TECTA: variants seen among roughly 807,000 people sequenced by gnomAD.
The protein encoded by TECTA is tectorin alpha.
TECTA carries 128 observed loss-of-function variants against 216.8 expected under a neutral mutation model. That is an observed-to-expected ratio of 0.59 (90% CI 0.51 to 0.68). The LOEUF (loss-of-function observed/expected upper bound fraction) is 0.68, where lower values mean the gene tolerates loss of function less well. Among genes scored for constraint, TECTA ranks in the 30% least tolerant of loss-of-function variants. The probability of loss-of-function intolerance (pLI) is 0.00; values close to 1 mark genes in which losing one functional copy is unlikely to be tolerated. For missense variants in TECTA, 2,551 were observed against 2,786.2 expected (o/e 0.92, Z 1.90); for synonymous variants, 1,089 against 1,117.1 (o/e 0.97, Z 0.50).
chr11:121,125,331 C>T lies in TECTA; in HGVS notation c.1233C>T (p.Val411=), dbSNP rs1946597375. The change falls in exon 8 of 24, where the codon GTC becomes GTT. Residue 411 remains valine, a synonymous_variant. Coordinates refer to ENST00000392793, the MANE Select transcript of TECTA (RefSeq NM_005422.4). The part of the protein sequence containing the change: ...KVNDLVTSLP[V]TLDLGTVKIY... ...ATGACCTAGTGACTTCTTTGCCTGTCACCTTAGACTTGGGGACAGTGAAAA... is the reference window on the plus strand; with the variant it reads ...ATGACCTAGTGACTTCTTTGCCTGTTACCTTAGACTTGGGGACAGTGAAAA... 1 of 1,613,844 alleles carries T rather than the reference C, an allele frequency of 6.2e-7. No homozygotes were observed. Among genetic ancestry groups the T allele is most frequent in the African/African-American group, 1.3e-5 (1 of 74,944 alleles).
chr11:121,152,308 T>C (rs943286393), intron 12 of TECTA, among the ~76,000 whole-genome samples: 1 of 152,254 alleles, frequency 6.6e-6, no homozygotes, highest in Non-Finnish European at 1.5e-5. Context: ...ATCATGGGGC[T>C]GAGGCATCTA....
At chr11:121,178,424 T>C (rs1302804914) in intron 20 of TECTA, among the ~76,000 whole-genome samples, 2 of 152,162 alleles carry the variant, frequency 1.3e-5, no homozygotes, top group Admixed American at 6.5e-5. Flanking sequence ...TGCTTGATCA[T>C]GGCGTATTAT....
At chr11:121,152,751 G>T in intron 12 of TECTA, 130 bp from the exon 13 acceptor site, 1 of 908,852 alleles carries the variant, frequency 1.1e-6, no homozygotes, top group Non-Finnish European at 1.6e-6. Flanking sequence ...ATGAAGAAAG[G>T]CGGCAGACCT....
In TECTA at chr11:121,168,195, T is replaced by C. The variant is rs757723080; in HGVS notation, c.5728T>C (p.Ser1910Pro). The C allele has an allele frequency of 6.2e-7, 1 of 1,614,246 alleles. No individual in the cohort carries two copies. The highest frequency in any genetic ancestry group is 1.1e-5 in the South Asian group (1 of 91,086). Reference sequence around the variant, plus strand: ...GCTGGATATCAAGATCTCCTTGGATTCTGTTGTGAAGCCTATGCTAAGGTA... The same window carrying C: ...GCTGGATATCAAGATCTCCTTGGATCCTGTTGTGAAGCCTATGCTAAGGTA... Reference protein sequence around the residue: ...YELDIKISLDSVVKPMLSVIN... With the variant: ...YELDIKISLDPVVKPMLSVIN... Residue 1910 changes from serine (S) to proline (P), a missense_variant, in exon 19 of 24, where the codon TCT becomes CCT. Around this residue, in one of 3 missense-constraint regions of TECTA, gnomAD observed 2,375 missense variants for 2,563.9 expected, o/e 0.93. Coordinates refer to ENST00000392793, the MANE Select transcript of TECTA (RefSeq NM_005422.4).
Position 121,189,749 on chromosome 11 carries a change from A to G in TECTA, c.6251-15A>G. The G allele has an allele frequency of 6.2e-7, 1 of 1,611,202 alleles. No homozygotes were observed. The highest frequency in any genetic ancestry group is 8.5e-7 in the Non-Finnish European group (1 of 1,177,704). ...GAACTGTCTGTAGTTAATCTTCCTA[A>G]CTGCTCTTTTGTAGGGCTGGACTGG... On this transcript the variant is annotated splice_polypyrimidine_tract_variant and intron_variant, in intron 22 of 23. Coordinates refer to ENST00000392793, the MANE Select transcript of TECTA (RefSeq NM_005422.4).
rs1176214445 is a variant in TECTA at position 121,118,365 on chromosome 11, C to T, written c.850C>T (p.Arg284Cys). ...TGACTTGAACTGCACCGTCAAGTGC[C>T]GCTGTCTGGATTTCAACAATGAGAT... Reference protein sequence around the residue: ...WDDLNCTVKCRCLDFNNEIYC... With the variant: ...WDDLNCTVKCCCLDFNNEIYC... The change falls in exon 7 of 24, where the codon CGC becomes TGC. Residue 284 changes from arginine (R) to cysteine (C), a missense_variant. Arg to Cys is a radical substitution (Grantham distance 180). Coordinates refer to ENST00000392793, the MANE Select transcript of TECTA (RefSeq NM_005422.4). 6.2e-6 allele frequency: 10 copies of T among 1,614,110 alleles called. No individual in the cohort carries two copies. Among genetic ancestry groups the T allele is most frequent in the Middle Eastern group, 1.7e-4 (1 of 6,060 alleles).
At chr11:121,157,057 T>C (rs760930736) in intron 13 of TECTA, among the ~76,000 whole-genome samples, 1 of 152,126 alleles carries the variant, frequency 6.6e-6, no homozygotes, top group Non-Finnish European at 1.5e-5. Context: ...AAATGTGAAA[T>C]GGTTAATCAG....
At chr11:121,176,821 A>G (rs1947172306) in intron 20 of TECTA, among the ~76,000 whole-genome samples, 1 of 152,046 alleles carries the variant, frequency 6.6e-6, no homozygotes, top group African/African-American at 2.4e-5. Flanking sequence ...CCAATCAGAC[A>G]TAGATTTGGT....
chr11:121,110,624 AAC>A (rs1459451071), intron 4 of TECTA: 2 of 152,208 alleles, frequency 1.3e-5, no homozygotes, highest in South Asian at 2.1e-4. Context: ...ATAGATCGCT[AAC>A]GACTCCTCGG....
Position 121,162,113 on chromosome 11 carries a change from A to G in TECTA, c.5015A>G (p.Gln1672Arg). The stretch of plus-strand genomic sequence containing the variant: ...AGCTGCAACGAGCTGCAGTTCTCAC[A>G]GTATGCAGCCATGTGTGACAATGTG... ...APSCNELQFS[Q>R]YAAMCDNVHI... is the part of the protein sequence containing the mutation. The change falls in exon 16 of 24, where the codon CAG becomes CGG. Residue 1672 changes from glutamine to arginine, a missense_variant. By Grantham distance (43) the Gln-to-Arg change is conservative. Coordinates refer to ENST00000392793, the MANE Select transcript of TECTA (RefSeq NM_005422.4). The G allele has an allele frequency of 6.2e-7, 1 of 1,614,206 alleles. No homozygotes were observed.
intron 13 of TECTA, among the ~76,000 whole-genome samples, chr11:121,156,439 G>T (rs902292506): frequency 6.6e-6 from 1 of 152,092 alleles, no homozygotes; most frequent in Admixed American, 6.5e-5. Context: ...TGCCTCCCAG[G>T]TTCAAACGAT....
Position 121,153,095 on chromosome 11 carries a change from C to A in TECTA, c.4305+15C>A. The A allele has an allele frequency of 1.9e-6, 3 of 1,608,752 alleles. No individual in the cohort carries two copies. Among genetic ancestry groups the A allele is most frequent in the Non-Finnish European group, 2.5e-6 (3 of 1,177,856 alleles). On this transcript the variant is annotated intron_variant, in intron 13 of 23. Coordinates refer to ENST00000392793, the MANE Select transcript of TECTA (RefSeq NM_005422.4). ...AATATTACGAGGTATGGGAGGCCAG[C>A]CCGGCCTTTTCCTCCTTGCCAATGA...
chr11:121,190,384 C>G (rs1478625733), intron 23 of TECTA, among the ~76,000 whole-genome samples: 3 of 152,204 alleles, frequency 2.0e-5, no homozygotes, highest in Admixed American at 1.3e-4. Flanking sequence ...CCTGCCTCAA[C>G]CACCGGAGTA....
intron 6 of TECTA, among the ~76,000 whole-genome samples, chr11:121,115,644 T>G (rs1454151580): frequency 1.3e-5 from 2 of 152,130 alleles, no homozygotes; most frequent in Non-Finnish European, 2.9e-5. Context: ...CAATTTGTTG[T>G]TGTTGTTGTT....
intron 16 of TECTA, among the ~76,000 whole-genome samples, chr11:121,164,767 C>T (rs1474723152): frequency 6.6e-6 from 1 of 152,090 alleles, no homozygotes; most frequent in Non-Finnish European, 1.5e-5. Flanking sequence ...TGGGAGACCT[C>T]TCTGGGATCT....
chr11:121,129,353 G>A (rs545446006), intron 9 of TECTA, among the ~76,000 whole-genome samples: 5 of 152,340 alleles, frequency 3.3e-5, no homozygotes, highest in African/African-American at 9.6e-5. Flanking sequence ...AGGGAGCCAC[G>A]TATCTAAGAC....
Position 121,165,280 on chromosome 11 carries a change from G to A in TECTA, c.5280G>A (p.Val1760=). The A allele has an allele frequency of 6.2e-7, 1 of 1,602,620 alleles. No individual in the cohort carries two copies. Among genetic ancestry groups the A allele is most frequent in the Non-Finnish European group, 8.5e-7 (1 of 1,174,512 alleles). Residue 1760 remains valine (V), a synonymous_variant, in exon 17 of 24, where the codon GTG becomes GTA. Transcript: ENST00000392793. The stretch of plus-strand genomic sequence containing the variant: ...GTGTGTTTTTCTTTTTAGCAGGAGT[G>A]GTTGAAGATCCCTGTGTGGGGGCGG... ...EWIEKENCSG[V]VEDPCVGADC... is the part of the protein sequence containing the mutation.
intron 10 of TECTA, among the ~76,000 whole-genome samples, chr11:121,135,147 G>A (rs1399630840): frequency 6.6e-6 from 1 of 152,200 alleles, no homozygotes; most frequent in African/African-American, 2.4e-5. Flanking sequence ...GATTAATCTG[G>A]TCGGAGTCTT....
At chr11:121,108,360 A>G (rs529571027) in intron 3 of TECTA, among the ~76,000 whole-genome samples, 62 of 151,096 alleles carry the variant, frequency 4.1e-4, no homozygotes, top group African/African-American at 1.3e-3. Context: ...CCCTCAGTAC[A>G]CACACATGTA....
Sources: gnomAD v4.1 joint callset for allele counts (sites outside exome capture counted in the v4.1 genomes callset) on GRCh38, gnomAD v4.1.1 for gene constraint, gnomAD v4.1.1 regional missense constraint, MANE v1.5 for transcripts, NCBI Gene and HGNC (gene_info 2026-07-23, HGNC 2026-07-21) for gene names.